Variants in DPP6 observed in about 807,000 individuals in gnomAD.
DPP6 encodes dipeptidyl peptidase like 6.
DPP6 carries 69 observed loss-of-function variants against 122.6 expected under a neutral mutation model. That is an observed-to-expected ratio of 0.56 (90% CI 0.46 to 0.69). DPP6 has a LOEUF of 0.69. Ranked by LOEUF, DPP6 falls within the 30% of genes least tolerant of loss-of-function variation. DPP6 has a pLI of 0.00. For synonymous variants in DPP6, 418 were observed against 433.1 expected, an observed-to-expected ratio of 0.97 and a Z score of 0.43; for missense variants, 928 against 1,116.9, an observed-to-expected ratio of 0.83 and a Z score of 2.41.
chr7:154,769,529 C>G lies in DPP6; in HGVS notation c.996C>G (p.Thr332=). Residue 332 remains threonine (T), a synonymous_variant, in exon 9 of 26, where the codon ACC becomes ACG. Transcript: ENST00000377770. ...CCATCATGGAGCTCCCAACTTACAC[C>G]GGCTCCATCTACCCCACCGTGAAGC... ...RVPIMELPTY[T]GSIYPTVKPY... 1 of 1,613,134 alleles carries G rather than the reference C, an allele frequency of 6.2e-7. No individual in the cohort carries two copies. The highest frequency in any genetic ancestry group is 1.1e-5 in the South Asian group (1 of 90,978).
intron 1 of DPP6, among the ~76,000 whole-genome samples, chr7:154,233,279 C>T (rs1045976085): frequency 2.6e-5 from 4 of 152,274 alleles, no homozygotes; most frequent in South Asian, 2.1e-4. Flanking sequence ...TGCAAGCTTT[C>T]GTGCATTTGC....
intron 6 of DPP6, among the ~76,000 whole-genome samples, chr7:154,656,803 A>T (rs1452710611): frequency 3.6e-5 from 5 of 137,322 alleles, no homozygotes; most frequent in African/African-American, 1.2e-4. Context: ...GTGTGGGTGG[A>T]GAGGCTGCGT....
At chr7:154,258,229 C>T (rs1802782797) in intron 1 of DPP6, among the ~76,000 whole-genome samples, 1 of 152,148 alleles carries the variant, frequency 6.6e-6, no homozygotes, top group Non-Finnish European at 1.5e-5. Context: ...GTGACTCTTC[C>T]AGATTCTAAG....
At chr7:154,758,963 CTA>C (rs1795332930) in intron 8 of DPP6, among the ~76,000 whole-genome samples, 1 of 152,174 alleles carries the variant, frequency 6.6e-6, no homozygotes, top group South Asian at 2.1e-4. Flanking sequence ...AGGCGTTTGT[CTA>C]TGGATTTTCC....
At chr7:154,562,413 ACT>A (rs1830479978) in intron 4 of DPP6, among the ~76,000 whole-genome samples, 1 of 152,146 alleles carries the variant, frequency 6.6e-6, no homozygotes, top group African/African-American at 2.4e-5. Flanking sequence ...CATTATAAAA[ACT>A]CTGAGCAAAC....
rs182264277 is a variant in DPP6, at chr7:153,923,970, C to T, written c.51+36236C>T. On this transcript the variant is annotated intron_variant, in intron 1 of 25. Coordinates refer to the DPP6 transcript ENST00000404039. The stretch of plus-strand genomic sequence containing the variant: ...GCTATGGTTTAAATATCACCAGGCA[C>T]ACAAGACTCAAGAACTGCTTTTCAA... 4.0e-3 allele frequency among the ~76,000 whole-genome samples: 607 copies of T among 152,148 alleles called. 17 individuals carry two copies. The highest frequency in any genetic ancestry group is 0.035 in the Admixed American group (539 of 15,264).
chr7:154,665,768 T>C (rs541350857), intron 6 of DPP6, among the ~76,000 whole-genome samples: 6 of 152,280 alleles, frequency 3.9e-5, no homozygotes, highest in South Asian at 2.1e-4. Context: ...TCTGTGTACA[T>C]AGAGATTAAA....
intron 1 of DPP6, among the ~76,000 whole-genome samples, chr7:154,214,014 G>A (rs1028771831): frequency 2.0e-5 from 3 of 152,144 alleles, no homozygotes; most frequent in East Asian, 1.9e-4. Flanking sequence ...TTCCAGCAAC[G>A]ACATCATGCC....
At chr7:154,431,695 T>C (rs577035230) in intron 1 of DPP6, among the ~76,000 whole-genome samples, 74 of 151,870 alleles carry the variant, frequency 4.9e-4, no homozygotes, top group Admixed American at 1.8e-3. Context: ...CCACCACGCC[T>C]GGCTAATTTT....
chr7:154,092,326 G>A (rs534413857), intron 1 of DPP6: 8 of 152,226 alleles, frequency 5.3e-5, no homozygotes, highest in African/African-American at 1.2e-4. Flanking sequence ...CAGTATCGGC[G>A]TCTAACCTGG....
intron 16 of DPP6, among the ~76,000 whole-genome samples, chr7:154,845,144 T>C (rs1007438674): frequency 7.2e-5 from 11 of 152,224 alleles, no homozygotes; most frequent in Non-Finnish European, 1.3e-4. Flanking sequence ...CATTAACCAT[T>C]AATCTGTTCG....
the DPP6 span, among the ~76,000 whole-genome samples, chr7:153,773,264 CGTGTGTGTGTGTGT>C: frequency 1.5e-5 from 2 of 132,458 alleles, no homozygotes; most frequent in Non-Finnish European, 3.2e-5. Context: ...TCTTTTCTTT[CGTGTGTGTGTGTGT>C]GTGTGTGTGT....
chr7:153,902,870 G>A (rs1799696949), intron 1 of DPP6, among the ~76,000 whole-genome samples: 1 of 152,030 alleles, frequency 6.6e-6, no homozygotes, highest in East Asian at 1.9e-4. Context: ...AGTTTTCTTA[G>A]GTAAAGCTCT....
chr7:153,990,273 A>AGCCCCACCCTCTTC (rs1797107519), intron 1 of DPP6, among the ~76,000 whole-genome samples: 1 of 86,736 alleles, frequency 1.2e-5, no homozygotes, highest in Non-Finnish European at 2.1e-5. Flanking sequence ...GCCTTGCTGA[A>AGCCCCACCCTCTTC]CAGTCCCGCC....
At chr7:154,247,205 T>C (rs1802037670) in intron 1 of DPP6, among the ~76,000 whole-genome samples, 1 of 151,996 alleles carries the variant, frequency 6.6e-6, no homozygotes, top group Admixed American at 6.6e-5. Context: ...TTCAGCTACA[T>C]GGGAGGCTGA....
chr7:154,251,336 T>C (rs962435203), intron 1 of DPP6, among the ~76,000 whole-genome samples: 5 of 152,088 alleles, frequency 3.3e-5, no homozygotes, highest in Non-Finnish European at 7.4e-5. Context: ...AAAACAGATA[T>C]GGGAGAAACT....
At position 154,060,442 on chromosome 7, in the gene DPP6, C is replaced by T. The variant is rs377639521; in HGVS notation, c.243+7379C>T. ...GGCACCCCCCGCGAGGCGGGGACTG[C>T]GAGCCAGACCCTCTTCCCCCTCTGG... is the stretch of plus-strand genomic sequence containing the variant. On this transcript the variant is annotated intron_variant, in intron 1 of 25. Transcript: ENST00000377770. 2.0e-4 allele frequency among the ~76,000 whole-genome samples: 17 copies of T among 85,492 alleles called. 3 individuals carry two copies. The highest frequency in any genetic ancestry group is 1.4e-3 in the Admixed American group (12 of 8,718). The allele number at this position is 85,492 out of a possible 152,430, so 56.1% of individuals were successfully genotyped here.
intron 7 of DPP6, among the ~76,000 whole-genome samples, chr7:154,703,126 C>T (rs1421150497): frequency 6.6e-6 from 1 of 152,080 alleles, no homozygotes; most frequent in Admixed American, 6.6e-5. Flanking sequence ...TATTTTAATC[C>T]CACTGTTGAG....
At chr7:154,347,451 A>G (rs999732177) in intron 1 of DPP6, among the ~76,000 whole-genome samples, 18 of 152,256 alleles carry the variant, frequency 1.2e-4, no homozygotes, top group Non-Finnish European at 2.4e-4. Flanking sequence ...CCATTAAAGC[A>G]TAATCTTTAT....
Sources: gnomAD v4.1 joint callset for allele counts (sites outside exome capture counted in the v4.1 genomes callset) on GRCh38, gnomAD v4.1.1 for gene constraint, MANE v1.5 for transcripts, NCBI Gene and HGNC (gene_info 2026-07-23, HGNC 2026-07-21) for gene names.